ATP11C: variants seen among roughly 807,000 people sequenced by gnomAD.
The protein encoded by ATP11C is phospholipid-transporting ATPase IG.
A neutral mutation model predicts 97.4 loss-of-function variants in ATP11C; 36 were observed. The observed-to-expected ratio is 0.37, with a 90% confidence interval of 0.28 to 0.49. The LOEUF (loss-of-function observed/expected upper bound fraction) is 0.49. ATP11C is among the 20% of genes least tolerant of loss of function. The pLI, the probability that ATP11C is intolerant of heterozygous loss-of-function variation, is 0.98. For missense variants in ATP11C, 730 were observed against 824.6 expected, an observed-to-expected ratio of 0.89 and a Z score of 1.40; for synonymous variants, 275 against 290.9, an observed-to-expected ratio of 0.95 and a Z score of 0.56.
intron 24 of ATP11C, among the ~76,000 whole-genome samples, chrX:139,749,295 AT>A (rs1237991002): frequency 8.9e-6 from 1 of 112,372 alleles, no homozygotes; most frequent in Non-Finnish European, 1.9e-5. Flanking sequence ...GTTAAAAAAA[AT>A]CCCTTAAATT....
intron 6 of ATP11C, among the ~76,000 whole-genome samples, chrX:139,802,765 C>T (rs1388934052): frequency 9.0e-6 from 1 of 111,480 alleles, no homozygotes; most frequent in Non-Finnish European, 1.9e-5. Context: ...TTTTTGGTCA[C>T]AAAAATGCTA....
intron 1 of ATP11C, 112 bp from the exon 2 acceptor site, chrX:139,826,935 G>A (rs1002213996): frequency 1.2e-5 from 9 of 777,167 alleles, no homozygotes; most frequent in Non-Finnish European, 1.6e-5. Context: ...CGAGAAAGTA[G>A]TAGGGAGAGG....
At position 139,932,322 on chromosome X, in the gene ATP11C, C is replaced by G. The variant is rs1335037534; in HGVS notation, c.-280G>C. 9.1e-6 allele frequency: 1 copy of G among 109,568 alleles called. No individual in the cohort carries two copies. The highest frequency in any genetic ancestry group is 1.9e-5 in the Non-Finnish European group (1 of 52,215). 9.0% of individuals were successfully genotyped at this position (109,568 alleles called of 1,213,427 possible). The stretch of plus-strand genomic sequence containing the variant: ...GGATCGCCCTTATCTGGCCCCGGCA[C>G]CCCGGGCCGGCAGCTCGCGCAGCAC... On this transcript the variant is annotated 5_prime_UTR_variant, in exon 1 of 30. Coordinates refer to ENST00000682941, the MANE Select transcript of ATP11C (RefSeq NM_001353812.2).
chrX:139,812,207 A>G (rs2083190314), intron 5 of ATP11C, among the ~76,000 whole-genome samples: 2 of 111,872 alleles, frequency 1.8e-5, no homozygotes. Context: ...GCTGGCTAAT[A>G]AGCATCTCTT....
chrX:139,881,852 AC>A (rs774294362), intron 1 of ATP11C, among the ~76,000 whole-genome samples: 1 of 112,141 alleles, frequency 8.9e-6, no homozygotes, highest in Admixed American at 9.5e-5. Flanking sequence ...ACATTGTTCA[AC>A]AAAGTTCTCA....
rs192907084 is a variant in ATP11C, at chrX:139,887,564, A to G, written c.27+44452T>C. ...GATTGCTTGAGTTCAGGAGGCCAGC[A>G]GTGAGCCATGATTGAACCAGTGCTC... On this transcript the variant is annotated intron_variant, in intron 1 of 29. Transcript: ENST00000682941. 1.3e-3 allele frequency among the ~76,000 whole-genome samples: 146 copies of G among 111,318 alleles called. 2 individuals carry two copies. The highest frequency in any genetic ancestry group is 0.012 in the East Asian group (43 of 3,520).
At chrX:139,931,705 G>C (rs1409485090) in intron 1 of ATP11C, among the ~76,000 whole-genome samples, 1 of 111,793 alleles carries the variant, frequency 8.9e-6, no homozygotes, top group Non-Finnish European at 1.9e-5. Flanking sequence ...AGGGGTCCCC[G>C]GGTCGGTCCC....
rs1193898169 is a variant in ATP11C, at chrX:139,726,667, T to A, written c.*2299A>T. On this transcript the variant is annotated 3_prime_UTR_variant, in exon 30 of 30. Transcript: ENST00000682941. ...GGTGTATGTGTAAGTAGATATGGAA[T>A]GAATGTTTTCAGTTTAGTAGGTAAC... 1 of 112,715 alleles carries A rather than the reference T, an allele frequency of 8.9e-6. No individual in the cohort carries two copies. The highest frequency in any genetic ancestry group is 1.9e-5 in the Non-Finnish European group (1 of 53,274). 9.3% of individuals were successfully genotyped at this position (112,715 alleles called of 1,213,427 possible).
intron 2 of ATP11C, among the ~76,000 whole-genome samples, chrX:139,825,157 G>A (rs750315839): frequency 1.2e-4 from 13 of 111,037 alleles, no homozygotes; most frequent in Admixed American, 1.2e-3. Context: ...TACCGTTTGA[G>A]TTGTCGCCCC....
At chrX:139,756,988 A>G (rs1029477351) in intron 23 of ATP11C, among the ~76,000 whole-genome samples, 1 of 109,102 alleles carries the variant, frequency 9.2e-6, no homozygotes, top group African/African-American at 3.3e-5. Flanking sequence ...AAAAAAAAAA[A>G]AAAACTGCCA....
intron 5 of ATP11C, among the ~76,000 whole-genome samples, chrX:139,809,711 C>T (rs1160032920): frequency 8.9e-6 from 1 of 111,936 alleles, no homozygotes; most frequent in African/African-American, 3.2e-5. Context: ...TGCCTGTAAT[C>T]CCAGCATTTT....
chrX:139,789,744 T>C (rs886377885), intron 12 of ATP11C, among the ~76,000 whole-genome samples: 2 of 111,209 alleles, frequency 1.8e-5, no homozygotes, highest in African/African-American at 6.6e-5. Context: ...AAAATGTGAC[T>C]ATTGGCCAGG....
intron 19 of ATP11C, among the ~76,000 whole-genome samples, chrX:139,772,699 G>A (rs1239533351): frequency 9.0e-6 from 1 of 111,710 alleles, no homozygotes; most frequent in Non-Finnish European, 1.9e-5. Context: ...TTTCAGACTT[G>A]CATGGGCCCT....
intron 2 of ATP11C, among the ~76,000 whole-genome samples, chrX:139,821,271 G>A (rs1012691815): frequency 1.8e-5 from 2 of 111,949 alleles, no homozygotes; most frequent in Non-Finnish European, 3.8e-5. Flanking sequence ...GTGCATGGAT[G>A]TGCATCACTT....
intron 2 of ATP11C, among the ~76,000 whole-genome samples, chrX:139,825,932 G>T (rs1455901871): frequency 8.9e-6 from 1 of 112,377 alleles, no homozygotes; most frequent in African/African-American, 3.2e-5. Context: ...CTTGCAGAAT[G>T]ATGACTACTG....
At chrX:139,744,796 C>A (rs1294718529) in intron 25 of ATP11C, among the ~76,000 whole-genome samples, 1 of 111,703 alleles carries the variant, frequency 9.0e-6, no homozygotes, top group African/African-American at 3.3e-5. Flanking sequence ...GTTTCCCCAA[C>A]AAGTACTTTA....
chrX:139,845,044 G>A (rs2083889381), intron 1 of ATP11C, among the ~76,000 whole-genome samples: 1 of 112,065 alleles, frequency 8.9e-6, no homozygotes, highest in Non-Finnish European at 1.9e-5. Context: ...TTAGGTCCTG[G>A]TGGACACACT....
At chrX:139,808,579 G>A (rs1205961765) in intron 5 of ATP11C, among the ~76,000 whole-genome samples, 2 of 110,911 alleles carry the variant, frequency 1.8e-5, no homozygotes, top group African/African-American at 6.5e-5. Context: ...TTAAAGTACT[G>A]AAAGAAAAAA....
intron 1 of ATP11C, among the ~76,000 whole-genome samples, chrX:139,830,787 G>T (rs954277954): frequency 9.0e-6 from 1 of 111,506 alleles, no homozygotes; most frequent in African/African-American, 3.3e-5. Context: ...TCTGAAGCAG[G>T]AATATTTTTG....
Sources: allele counts gnomAD v4.1 joint callset (sites outside exome capture counted in the v4.1 genomes callset), GRCh38; gene constraint gnomAD v4.1.1; transcripts MANE v1.5; gene names NCBI Gene and HGNC (gene_info 2026-07-23, HGNC 2026-07-21).